RNF169: variants seen among roughly 807,000 people sequenced by gnomAD.
RNF169 encodes E3 ubiquitin-protein ligase RNF169.
Under a neutral mutation model 53.9 loss-of-function variants are expected in RNF169, and 24 were observed. The observed-to-expected ratio is 0.45, with a 90% CI of 0.32 to 0.63. The LOEUF is 0.63. RNF169 is among the 20% of genes least tolerant of loss of function. RNF169 has a pLI of 0.04. For missense variants in RNF169, 883 were observed against 906.2 expected (o/e 0.97, Z 0.33); for synonymous variants, 396 against 363.5 (o/e 1.09, Z -1.02).
intron 4 of RNF169, among the ~76,000 whole-genome samples, chr11:74,819,581 T>C (rs567322004): frequency 5.8e-4 from 88 of 152,318 alleles, no homozygotes; most frequent in Middle Eastern, 3.4e-3. Context: ...AGACAGGCCT[T>C]GTGCCTGTTG....
chr11:74,774,360 C>CA (rs1565173824), intron 1 of RNF169, among the ~76,000 whole-genome samples: 1 of 150,342 alleles, frequency 6.7e-6, no homozygotes. Context: ...AAAAAAAACC[C>CA]AAAAAAACAA....
At chr11:74,808,384 G>T (rs1277043846) in intron 2 of RNF169, among the ~76,000 whole-genome samples, 1 of 152,082 alleles carries the variant, frequency 6.6e-6, no homozygotes, top group Admixed American at 6.6e-5. Context: ...ATTGGAGGGG[G>T]CTATCCTGTG....
Position 74,838,941 on chromosome 11 carries a change from C to T in RNF169, c.*2211C>T, listed in dbSNP as rs1035957969. 1.3e-5 allele frequency: 2 copies of T among 152,122 alleles called. No homozygotes were observed. Among genetic ancestry groups the T allele is most frequent in the South Asian group, 2.1e-4 (1 of 4,826 alleles). 9.4% of individuals were successfully genotyped at this position (152,122 alleles called of 1,614,324 possible). A position where few individuals can be genotyped will look rare whatever the true frequency, so the allele number is the denominator to read the frequency against. ...TTATTTTTCCACTTGCCATCTTTCT[C>T]TATATCTCCAGTAATTTGAAAAACA... On this transcript the variant is annotated 3_prime_UTR_variant, in exon 6 of 6. Transcript: ENST00000299563.
chr11:74,790,639 GGT>G (rs1049903946), intron 2 of RNF169, among the ~76,000 whole-genome samples: 1 of 152,200 alleles, frequency 6.6e-6, no homozygotes, highest in Non-Finnish European at 1.5e-5. Context: ...AGAGGGGAGG[GGT>G]GTGTGAGCAA....
At position 74,810,331 on chromosome 11, in the gene RNF169, G is replaced by C. The variant is rs1348358930; in HGVS notation, c.723+1G>C. 1 of 1,612,998 alleles carries C rather than the reference G, an allele frequency of 6.2e-7. No individual in the cohort carries two copies. The highest frequency in any genetic ancestry group is 8.5e-7 in the Non-Finnish European group (1 of 1,179,688). ...AGTACTGAAAACAAATCTGGAACGT[G>C]TAAGTAAATCACCTTTTTAATGGAT... On this transcript the variant is annotated splice_donor_variant, in intron 3 of 5. Transcript: ENST00000299563. LOFTEE classifies it high-confidence loss of function.
chr11:74,795,219 C>CT (rs71471318), intron 2 of RNF169, among the ~76,000 whole-genome samples: 55 of 118,898 alleles, frequency 4.6e-4, no homozygotes, highest in Non-Finnish European at 4.6e-4. Flanking sequence ...TGTAGATACT[C>CT]TTTTTTTTTT....
rs1302549988 is a variant in RNF169, at chr11:74,841,785, A to G, written c.*5055A>G. 6.6e-6 allele frequency: 1 copy of G among 152,228 alleles called. No homozygotes were observed. Among genetic ancestry groups the G allele is most frequent in the Non-Finnish European group, 1.5e-5 (1 of 68,050 alleles). 9.4% of individuals were successfully genotyped at this position (152,228 alleles called of 1,614,324 possible). A position where few individuals can be genotyped will look rare whatever the true frequency, so the allele number is the denominator to read the frequency against. On this transcript the variant is annotated 3_prime_UTR_variant, in exon 6 of 6. Transcript: ENST00000299563. Reference sequence around the variant, plus strand: ...CTCGCTCTTCAAATACCATAGTTCAAGAGTAGCTGTTGGCCCTGGTTCCAG... The same window carrying G: ...CTCGCTCTTCAAATACCATAGTTCAGGAGTAGCTGTTGGCCCTGGTTCCAG...
chr11:74,785,040 A>G (rs769898783), intron 1 of RNF169, among the ~76,000 whole-genome samples: 2 of 151,284 alleles, frequency 1.3e-5, no homozygotes, highest in Non-Finnish European at 2.9e-5. Flanking sequence ...ATTGGTTACT[A>G]CTACTGTTAC....
At chr11:74,815,773 A>C (rs1163963810) in intron 3 of RNF169, among the ~76,000 whole-genome samples, 1 of 152,166 alleles carries the variant, frequency 6.6e-6, no homozygotes, top group Non-Finnish European at 1.5e-5. Flanking sequence ...AAGATAAAGC[A>C]ACAACTAACC....
intron 4 of RNF169, chr11:74,831,340 A>G (rs1591433677): frequency 6.6e-6 from 1 of 152,236 alleles, no homozygotes; most frequent in South Asian, 2.1e-4. Flanking sequence ...TTGCATTTCT[A>G]TACACTAGCA....
At chr11:74,779,970 C>T (rs541579837) in intron 1 of RNF169, among the ~76,000 whole-genome samples, 6 of 152,154 alleles carry the variant, frequency 3.9e-5, no homozygotes, top group South Asian at 4.2e-4. Context: ...CTATTGTGCC[C>T]GGCTAAGCAG....
At chr11:74,753,143 T>A (rs2034928411) in intron 1 of RNF169, among the ~76,000 whole-genome samples, 1 of 152,152 alleles carries the variant, frequency 6.6e-6, no homozygotes, top group Non-Finnish European at 1.5e-5. Context: ...TAATTTTGTA[T>A]TTTTAGTAGA....
In RNF169 at chr11:74,840,211, CTG is replaced by C. The variant is rs2036334558; in HGVS notation, c.*3484_*3485del. 6.6e-6 allele frequency: 1 copy of C among 152,194 alleles called. No individual in the cohort carries two copies. The highest frequency in any genetic ancestry group is 2.4e-5 in the African/African-American group (1 of 41,438). The allele number at this position is 152,194 out of a possible 1,614,324, so 9.4% of individuals were successfully genotyped here. ...AGACTTGAGCCAACCCTGAGCTGGA[CTG>C]TGGAGATAAAGCAGTTCCTGCTCTT... On this transcript the variant is annotated 3_prime_UTR_variant, in exon 6 of 6. Transcript: ENST00000299563.
Position 74,810,230 on chromosome 11 carries a change from T to C in RNF169, c.623T>C (p.Ile208Thr), listed in dbSNP as rs1284538793. ...GAGGAAAAACCCTCTGAAGATCAAATCCACAAGCTGTTACCAGAGGATACA... is the reference window on the plus strand; with the variant it reads ...GAGGAAAAACCCTCTGAAGATCAAACCCACAAGCTGTTACCAGAGGATACA... ...LQEEKPSEDQ[I>T]HKLLPEDTET... Residue 208 changes from isoleucine (I) to threonine (T), a missense_variant, in exon 3 of 6, where the codon ATC (isoleucine) becomes ACC (threonine). Physicochemically the swap from Ile to Thr is moderately conservative, Grantham distance 89 (BLOSUM62 -1). Coordinates refer to ENST00000299563, the MANE Select transcript of RNF169 (RefSeq NM_001098638.2). 2 of 1,613,398 alleles carry C rather than the reference T, an allele frequency of 1.2e-6. No homozygotes were observed. The highest frequency in any genetic ancestry group is 1.1e-5 in the South Asian group (1 of 91,016).
At chr11:74,750,984 C>G (rs1440655443) in intron 1 of RNF169, among the ~76,000 whole-genome samples, 1 of 149,422 alleles carries the variant, frequency 6.7e-6, no homozygotes. Flanking sequence ...AAGCGATTCT[C>G]CTGCCTCCGC....
Position 74,830,056 on chromosome 11 carries a change from C to CTG in RNF169, c.843-4619_843-4618dup, listed in dbSNP as rs558459222. Among the ~76,000 whole-genome samples the CTG allele has an allele frequency of 2.8e-4, 42 of 152,232 alleles. No individual in the cohort carries two copies. In the East Asian group the frequency reaches 6.4e-3, roughly 23 times the overall value. ...AAGAAAACCTGTACATCAAAACTTACTGAATGTAATGAAAGCAGCGCTCAG... is the reference window on the plus strand; with the variant it reads ...AAGAAAACCTGTACATCAAAACTTACTGTGAATGTAATGAAAGCAGCGCTCAG... On this transcript the variant is annotated intron_variant, in intron 4 of 5. Transcript: ENST00000299563.
intron 2 of RNF169, among the ~76,000 whole-genome samples, chr11:74,805,947 C>T (rs1244968600): frequency 1.3e-5 from 2 of 152,002 alleles, no homozygotes; most frequent in African/African-American, 4.8e-5. Flanking sequence ...AACCAATCCC[C>T]TACATATACC....
intron 1 of RNF169, among the ~76,000 whole-genome samples, chr11:74,761,638 C>T (rs1379942214): frequency 1.3e-5 from 2 of 152,126 alleles, no homozygotes; most frequent in Admixed American, 1.3e-4. Context: ...TGAATATTGG[C>T]CCCCACTCTT....
chr11:74,750,930 G>A (rs1439771373), intron 1 of RNF169, among the ~76,000 whole-genome samples: 2 of 129,162 alleles, frequency 1.5e-5, no homozygotes, highest in Non-Finnish European at 3.1e-5. Context: ...CTGGAGTGCA[G>A]TGGCCAATCT....
Sources: allele counts gnomAD v4.1 joint callset (sites outside exome capture counted in the v4.1 genomes callset), GRCh38; gene constraint gnomAD v4.1.1; transcripts MANE v1.5; gene names NCBI Gene and HGNC (gene_info 2026-07-23, HGNC 2026-07-21).